The following DMC1 variants were observed in gnomAD, a reference collection of about 807,000 sequenced individuals.
DMC1 encodes DNA meiotic recombinase 1.
In DMC1, 27 loss-of-function variants were observed where a neutral mutation model predicts 50.1. The ratio of observed to expected loss-of-function variants is 0.54; its 90% confidence interval spans 0.40 to 0.74. The LOEUF (loss-of-function observed/expected upper bound fraction) is 0.74. Ranked by LOEUF, DMC1 falls within the 30% of genes least tolerant of loss-of-function variation. The probability of loss-of-function intolerance (pLI) is 0.00; values close to 1 mark genes in which losing one functional copy is unlikely to be tolerated. For synonymous variants in DMC1, 148 were observed against 136.1 expected (o/e 1.09, Z -0.61); for missense variants, 295 against 420.2 (o/e 0.70, Z 2.60).
intron 8 of DMC1, among the ~76,000 whole-genome samples, chr22:38,543,522 C>T (rs542136224): frequency 6.6e-6 from 1 of 152,292 alleles, no homozygotes; most frequent in Non-Finnish European, 1.5e-5. Context: ...AGCCATAGTG[C>T]CCAGCTGCCT....
Position 38,555,410 on chromosome 22 carries a change from C to T in DMC1, c.327-1G>A, listed in dbSNP as rs1355664751. 6.3e-7 allele frequency: 1 copy of T among 1,597,238 alleles called. No homozygotes were observed. The highest frequency in any genetic ancestry group is 1.1e-5 in the South Asian group (1 of 90,668). On this transcript the variant is annotated splice_acceptor_variant, in intron 5 of 13. Coordinates refer to ENST00000216024, the MANE Select transcript of DMC1 (RefSeq NM_007068.4). LOFTEE classifies it high-confidence loss of function. ...TTCAATTCCACCTCCTAGTAACTTA[C>T]TGGAAATAGAAAGAAAGCATTAGTA...
At chr22:38,532,317 TC>T (rs1209910217) in intron 12 of DMC1, among the ~76,000 whole-genome samples, 7 of 151,382 alleles carry the variant, frequency 4.6e-5, no homozygotes, top group Admixed American at 2.0e-4. Flanking sequence ...TTATTGTCTT[TC>T]TTTTTTTTTT....
At chr22:38,509,677 GT>G in the DMC1 span, among the ~76,000 whole-genome samples, 3 of 149,794 alleles carry the variant, frequency 2.0e-5, no homozygotes, top group Admixed American at 1.3e-4. Context: ...TTTGTTTTTT[GT>G]TTTTTTTTAG....
At chr22:38,522,791 G>C (rs901370325) in intron 12 of DMC1, among the ~76,000 whole-genome samples, 1 of 152,218 alleles carries the variant, frequency 6.6e-6, no homozygotes, top group African/African-American at 2.4e-5. Flanking sequence ...GTATAGCAAG[G>C]ATGTAGCTGA....
chr22:38,550,946 A>AAAAAAAAAG (rs2090399757), intron 7 of DMC1, among the ~76,000 whole-genome samples: 1 of 111,386 alleles, frequency 9.0e-6, no homozygotes, highest in East Asian at 3.1e-4. Context: ...AAAAAAAAAA[A>AAAAAAAAAG]AAAGAAAGAA....
chr22:38,563,375 G>T (rs1017803246), intron 4 of DMC1, among the ~76,000 whole-genome samples: 1 of 152,154 alleles, frequency 6.6e-6, no homozygotes, highest in Admixed American at 6.6e-5. Flanking sequence ...GGAGAATGGG[G>T]ACAGCCAAGC....
At chr22:38,541,788 C>T (rs767999534) in intron 8 of DMC1, among the ~76,000 whole-genome samples, 56 of 151,858 alleles carry the variant, frequency 3.7e-4, no homozygotes, top group Admixed American at 1.3e-3. Context: ...ACAATGTGAC[C>T]GCGGGTGTAA....
At chr22:38,533,328 G>A (rs1602725379) in intron 12 of DMC1, among the ~76,000 whole-genome samples, 3 of 150,700 alleles carry the variant, frequency 2.0e-5, no homozygotes, top group Admixed American at 2.0e-4. Flanking sequence ...CCTGGGAGGC[G>A]GAGCTTGCAG....
At chr22:38,530,467 T>G (rs2090141368) in intron 12 of DMC1, among the ~76,000 whole-genome samples, 1 of 152,030 alleles carries the variant, frequency 6.6e-6, no homozygotes, top group Non-Finnish European at 1.5e-5. Flanking sequence ...TGGGTTCTTT[T>G]TTGCGGGGGG....
intron 12 of DMC1, among the ~76,000 whole-genome samples, chr22:38,522,648 T>C (rs930525311): frequency 2.0e-5 from 3 of 152,206 alleles, no homozygotes; most frequent in Admixed American, 6.5e-5. Flanking sequence ...CTAAAGGTTA[T>C]ACTTGATCAA....
intron 12 of DMC1, among the ~76,000 whole-genome samples, chr22:38,537,316 T>A (rs1301688338): frequency 1.3e-5 from 2 of 152,064 alleles, no homozygotes; most frequent in Non-Finnish European, 2.9e-5. Context: ...CAGGTTCAAG[T>A]GATTCTTCTG....
chr22:38,561,035 T>A (rs1035596166), intron 5 of DMC1, among the ~76,000 whole-genome samples: 2 of 152,020 alleles, frequency 1.3e-5, no homozygotes, highest in Non-Finnish European at 1.5e-5. Flanking sequence ...TCTCTCTGCG[T>A]CACCCAGGCT....
chr22:38,514,945 CTTTTTTTTTT>C (rs1225224373), downstream of DMC1, among the ~76,000 whole-genome samples: 1 of 121,976 alleles, frequency 8.2e-6, no homozygotes, highest in African/African-American at 3.2e-5. Flanking sequence ...TTTTTTTATT[CTTTTTTTTTT>C]TTTTTTTTTG....
chr22:38,562,725 CAT>C (rs971800450), intron 4 of DMC1, among the ~76,000 whole-genome samples: 1 of 151,558 alleles, frequency 6.6e-6, no homozygotes, highest in Non-Finnish European at 1.5e-5. Flanking sequence ...TGTATACACA[CAT>C]ATACATGTAC....
chr22:38,524,493 C>T (rs1026411706), intron 12 of DMC1, among the ~76,000 whole-genome samples: 2 of 151,840 alleles, frequency 1.3e-5, no homozygotes, highest in Non-Finnish European at 2.9e-5. Flanking sequence ...CAGGAGGACA[C>T]TTCCTCAACT....
downstream of DMC1, among the ~76,000 whole-genome samples, chr22:38,517,785 T>A (rs1341678530): frequency 1.3e-5 from 2 of 152,186 alleles, no homozygotes; most frequent in Non-Finnish European, 2.9e-5. Flanking sequence ...TTATTTCTGC[T>A]TATTCAGGGA....
At chr22:38,550,930 C>CAA (rs60295497) in intron 7 of DMC1, among the ~76,000 whole-genome samples, 9 of 57,668 alleles carry the variant, frequency 1.6e-4, no homozygotes, top group African/African-American at 4.1e-4. Flanking sequence ...GACTCCATCT[C>CAA]AAAAAAAAAA....
intron 4 of DMC1, 107 bp downstream of exon 4, chr22:38,566,483 T>C: frequency 1.6e-6 from 2 of 1,217,986 alleles, no homozygotes; most frequent in Non-Finnish European, 1.2e-6. Flanking sequence ...TATACTGTGA[T>C]CTACAGGAAC....
At chr22:38,546,325 GT>G (rs1348176892) in intron 8 of DMC1, among the ~76,000 whole-genome samples, 1 of 152,006 alleles carries the variant, frequency 6.6e-6, no homozygotes, top group Non-Finnish European at 1.5e-5. Flanking sequence ...GGAGATGGAG[GT>G]TGTAGTGAGC....
Sources: allele counts gnomAD v4.1 joint callset (sites outside exome capture counted in the v4.1 genomes callset), GRCh38; gene constraint gnomAD v4.1.1; transcripts MANE v1.5; gene names NCBI Gene and HGNC (gene_info 2026-07-23, HGNC 2026-07-21).